The following VPS13B variants were observed in gnomAD, a reference collection of about 807,000 sequenced individuals.
VPS13B encodes the protein intermembrane lipid transfer protein VPS13B.
Under a neutral mutation model 426.4 loss-of-function variants are expected in VPS13B, and 285 were observed. The ratio of observed to expected loss-of-function variants is 0.67; its 90% CI spans 0.61 to 0.74. VPS13B has a LOEUF of 0.74. Ranked by LOEUF, VPS13B falls within the 30% of genes least tolerant of loss-of-function variation. The pLI is 0.00. For missense variants in VPS13B, 4,537 were observed against 4,782.6 expected, an observed-to-expected ratio of 0.95 and a Z score of 1.51; for synonymous variants, 1,676 against 1,676.4, an observed-to-expected ratio of 1.00 and a Z score of 0.01.
chr8:99,013,799 C>A lies in VPS13B; in HGVS notation c.11C>A (p.Ser4Ter). ...TCCTTACCTTAAAAGATGCTGGAGTCATATGTAACTCCAATTTTAATGAGC... is the reference window on the plus strand; with the variant it reads ...TCCTTACCTTAAAAGATGCTGGAGTAATATGTAACTCCAATTTTAATGAGC... MLE[S>*]YVTPILMSYV... Residue 4 changes from serine to a stop codon, truncating the protein, a stop_gained, in exon 2 of 62, where the codon TCA becomes TAA. Coordinates refer to ENST00000357162, the MANE Select transcript of VPS13B (RefSeq NM_152564.5). LOFTEE classifies it high-confidence loss of function. 6.2e-7 allele frequency: 1 copy of A among 1,614,144 alleles called. No homozygotes were observed. The highest frequency in any genetic ancestry group is 1.1e-5 in the South Asian group (1 of 91,052).
intron 14 of VPS13B, among the ~76,000 whole-genome samples, chr8:99,152,381 T>C (rs1811121814): frequency 6.6e-6 from 1 of 152,242 alleles, no homozygotes; most frequent in Admixed American, 6.5e-5. Context: ...GTATGATTTC[T>C]TTTAAATTTG....
chr8:99,332,234 T>C (rs894881366), intron 19 of VPS13B, among the ~76,000 whole-genome samples: 2 of 151,494 alleles, frequency 1.3e-5, no homozygotes, highest in African/African-American at 4.8e-5. Flanking sequence ...GTGACTTAGG[T>C]TTTTTCAGTA....
chr8:99,680,702 C>T (rs1831122752), intron 35 of VPS13B, among the ~76,000 whole-genome samples: 1 of 152,078 alleles, frequency 6.6e-6, no homozygotes, highest in African/African-American at 2.4e-5. Context: ...GAAAATAATC[C>T]ATTTATTAAA....
chr8:99,275,378 A>T, intron 19 of VPS13B, 124 bp downstream of exon 19: 1 of 890,506 alleles, frequency 1.1e-6, no homozygotes, highest in Admixed American at 3.1e-5. Flanking sequence ...CTTACTCTGC[A>T]GTTGTGCTTT....
At chr8:99,066,954 C>T (rs924879968) in intron 3 of VPS13B, among the ~76,000 whole-genome samples, 2 of 152,186 alleles carry the variant, frequency 1.3e-5, no homozygotes, top group African/African-American at 4.8e-5. Flanking sequence ...TACCATCTCA[C>T]ACCAGTTAGA....
At chr8:99,536,495 T>C in intron 30 of VPS13B, 2 of 308,174 alleles carry the variant, frequency 6.5e-6, no homozygotes, top group South Asian at 5.8e-5. Flanking sequence ...TTTTATCAAT[T>C]TCACTTAATA....
intron 7 of VPS13B, 126 bp from the exon 8 acceptor site, chr8:99,121,051 A>T (rs1428331509): frequency 7.8e-6 from 6 of 766,010 alleles, no homozygotes; most frequent in Non-Finnish European, 1.2e-5. Flanking sequence ...AGTAATAATC[A>T]CTGTATCATT....
chr8:99,684,845 C>T (rs2130014865), intron 35 of VPS13B, among the ~76,000 whole-genome samples: 1 of 152,244 alleles, frequency 6.6e-6, no homozygotes, highest in Non-Finnish European at 1.5e-5. Context: ...GCTCTGTCGC[C>T]CAGGCTGGAG....
At chr8:99,344,156 T>A (rs964800571) in intron 19 of VPS13B, among the ~76,000 whole-genome samples, 2 of 152,188 alleles carry the variant, frequency 1.3e-5, no homozygotes, top group African/African-American at 4.8e-5. Flanking sequence ...ACAAACCCAC[T>A]CATTTATAGT....
intron 50 of VPS13B, among the ~76,000 whole-genome samples, chr8:99,822,148 T>C (rs1418879145): frequency 6.6e-6 from 1 of 152,216 alleles, no homozygotes; most frequent in Non-Finnish European, 1.5e-5. Context: ...GCAGAAGTTT[T>C]TTGCTGTACT....
chr8:99,439,298 C>T (rs543991556), intron 22 of VPS13B, among the ~76,000 whole-genome samples: 1 of 152,114 alleles, frequency 6.6e-6, no homozygotes, highest in East Asian at 1.9e-4. Context: ...ATATAGTGTA[C>T]AAAATAGGCA....
chr8:99,457,554 G>A (rs190065388), intron 23 of VPS13B, among the ~76,000 whole-genome samples: 137 of 151,650 alleles, frequency 9.0e-4, no homozygotes, highest in African/African-American at 3.0e-3. Context: ...TTTTAATTTC[G>A]TTGATTTTTT....
At chr8:99,807,835 A>G (rs140326386) in intron 43 of VPS13B, among the ~76,000 whole-genome samples, 1 of 149,912 alleles carries the variant, frequency 6.7e-6, no homozygotes, top group East Asian at 2.0e-4. Context: ...CAGCAGGGAG[A>G]TGAGTTAGGA....
At chr8:99,816,435 A>C (rs760781208) in intron 44 of VPS13B, among the ~76,000 whole-genome samples, 1 of 152,200 alleles carries the variant, frequency 6.6e-6, no homozygotes, top group African/African-American at 2.4e-5. Flanking sequence ...ACTATGAACT[A>C]TACTCTCTTA....
At chr8:99,233,454 AC>A in intron 17 of VPS13B, 1 of 1,338,876 alleles carries the variant, frequency 7.5e-7, no homozygotes, top group Non-Finnish European at 1.1e-6. Flanking sequence ...CGATGATGGT[AC>A]CCACAGCCTG....
chr8:99,038,824 C>G (rs1035140896), intron 3 of VPS13B, among the ~76,000 whole-genome samples: 1 of 151,022 alleles, frequency 6.6e-6, no homozygotes, highest in Non-Finnish European at 1.5e-5. Context: ...GTAGCTGGGA[C>G]TACAGGTGTG....
chr8:99,262,399 T>C (rs536939468), intron 17 of VPS13B, among the ~76,000 whole-genome samples: 18 of 152,192 alleles, frequency 1.2e-4, no homozygotes, highest in Admixed American at 2.0e-4. Flanking sequence ...AAAGTTTCTC[T>C]TTTCAGAGGG....
At position 99,819,541 on chromosome 8, in the gene VPS13B, G is replaced by A. The variant is rs775883776; in HGVS notation, c.8751G>A (p.Ser2917=). The A allele has an allele frequency of 1.3e-4, 203 of 1,613,652 alleles. No homozygotes were observed. In the East Asian group the frequency reaches 3.7e-3, roughly 30 times the overall value. ...ACGAATTCTATGGGCCAGAAAAGTC[G>A]CTTCAACCCATATGGCCCTATAATA... The part of the protein sequence containing the change: ...ILDEFYGPEK[S]LQPIWPYNKK... The change falls in exon 48 of 62, where the codon TCG becomes TCA. Residue 2917 remains serine (S), a synonymous_variant. Coordinates refer to ENST00000357162, the MANE Select transcript of VPS13B (RefSeq NM_152564.5).
At chr8:99,682,240 G>C (rs755386620) in intron 35 of VPS13B, among the ~76,000 whole-genome samples, 1 of 152,092 alleles carries the variant, frequency 6.6e-6, no homozygotes, top group Non-Finnish European at 1.5e-5. Context: ...CAAGACGGGT[G>C]GATTGCTTGA....
Sources: allele counts gnomAD v4.1 joint callset (sites outside exome capture counted in the v4.1 genomes callset), GRCh38; gene constraint gnomAD v4.1.1; transcripts MANE v1.5; gene names NCBI Gene and HGNC (gene_info 2026-07-23, HGNC 2026-07-21).